Variants in SLC5A11 observed in about 807,000 individuals in gnomAD.
SLC5A11 encodes the protein solute carrier family 5 member 11.
Under a neutral mutation model 69.8 loss-of-function variants are expected in SLC5A11, and 48 were observed. That is an observed-to-expected ratio of 0.69 (90% CI 0.55 to 0.87). The LOEUF is 0.87. Among genes scored for constraint, SLC5A11 ranks in the 40% least tolerant of loss-of-function variants. The pLI is 0.00. For synonymous variants in SLC5A11, 319 were observed against 342.4 expected, an observed-to-expected ratio of 0.93 and a Z score of 0.75; for missense variants, 784 against 866.1, an observed-to-expected ratio of 0.91 and a Z score of 1.19.
chr16:24,909,496 A>G lies in SLC5A11; in HGVS notation c.1650+400A>G, dbSNP rs1015679273. 1.3e-4 allele frequency among the ~76,000 whole-genome samples: 20 copies of G among 151,846 alleles called. 1 individual carries two copies. Among genetic ancestry groups the G allele is most frequent in the African/African-American group, 4.8e-4 (20 of 41,398 alleles). On this transcript the variant is annotated intron_variant, in intron 14 of 15. Coordinates refer to ENST00000347898, the Ensembl canonical transcript of SLC5A11. Reference sequence around the variant, plus strand: ...CTCTTAAAAAAATGAAAAAATTAGCAGGGCGTGATGGCTCATGCCTGTAAT... The same window carrying G: ...CTCTTAAAAAAATGAAAAAATTAGCGGGGCGTGATGGCTCATGCCTGTAAT...
chr16:24,889,544 T>A (rs1306377726), intron 8 of SLC5A11, among the ~76,000 whole-genome samples: 5 of 14,990 alleles, frequency 3.3e-4, no homozygotes, highest in East Asian at 2.1e-3. Context: ...GGTCTTACAA[T>A]TTTTTTTTTT....
intron 1 of SLC5A11, among the ~76,000 whole-genome samples, chr16:24,854,532 C>T (rs931408093): frequency 1.3e-5 from 2 of 151,946 alleles, no homozygotes; most frequent in East Asian, 1.9e-4. Flanking sequence ...CGGGTTCAAG[C>T]GATCTTTCTG....
intron 8 of SLC5A11, among the ~76,000 whole-genome samples, chr16:24,885,289 G>GT (rs2048323215): frequency 3.3e-5 from 2 of 60,216 alleles, no homozygotes; most frequent in South Asian, 4.5e-4. Context: ...TTATTGTTAA[G>GT]CGGGGGACAC....
chr16:24,879,855 C>T (rs1054027806), intron 7 of SLC5A11, among the ~76,000 whole-genome samples: 3 of 152,144 alleles, frequency 2.0e-5, no homozygotes, highest in African/African-American at 7.2e-5. Flanking sequence ...ATGATTTTGT[C>T]CTTTTTAATG....
intron 4 of SLC5A11, among the ~76,000 whole-genome samples, chr16:24,870,781 C>CAAAAAAAAAAAAAAAAAAAAAAAAAAAA: frequency 1.5e-5 from 1 of 66,546 alleles, no homozygotes; most frequent in Non-Finnish European, 2.7e-5. Flanking sequence ...CTCTGTCTCA[C>CAAAAAAAAAAAAAAAAAAAAAAAAAAAA]AAAAAAAAAA....
At chr16:24,877,970 C>A (rs778209164) in intron 7 of SLC5A11, among the ~76,000 whole-genome samples, 1 of 151,908 alleles carries the variant, frequency 6.6e-6, no homozygotes, top group African/African-American at 2.4e-5. Context: ...GGTGACAGAG[C>A]GAGACACCAG....
At chr16:24,910,375 C>G (rs1236638875) in exon 15 of SLC5A11, 2 of 1,613,992 alleles carry the variant, frequency 1.2e-6, no homozygotes, top group African/African-American at 1.3e-5. Flanking sequence ...ACCAGCAGCT[C>G]CCTTGTCTCT....
At chr16:24,851,838 G>A (rs568755847) in intron 1 of SLC5A11, among the ~76,000 whole-genome samples, 18 of 152,196 alleles carry the variant, frequency 1.2e-4, no homozygotes, top group African/African-American at 3.9e-4. Flanking sequence ...GAGTCAGGGC[G>A]GTGCAGTTCT....
At chr16:24,908,991 G>C (rs2050292685) in exon 14 of SLC5A11, 1 of 1,613,946 alleles carries the variant, frequency 6.2e-7, no homozygotes, top group Non-Finnish European at 8.5e-7. Context: ...GCCCGGTCCT[G>C]GTGAAGAGCA....
chr16:24,895,499 GGAAAA>G (rs942149548), intron 9 of SLC5A11, among the ~76,000 whole-genome samples: 2 of 149,030 alleles, frequency 1.3e-5, no homozygotes, highest in African/African-American at 5.0e-5. Flanking sequence ...AAAAAAGAAA[GGAAAA>G]GAAAAGAAAA....
intron 1 of SLC5A11, among the ~76,000 whole-genome samples, chr16:24,849,722 C>T (rs1015838914): frequency 6.7e-6 from 1 of 148,904 alleles, no homozygotes; most frequent in Non-Finnish European, 1.5e-5. Flanking sequence ...CAAGATCATC[C>T]CTGAAAGGCA....
chr16:24,860,744 C>T (rs867899075), intron 2 of SLC5A11, among the ~76,000 whole-genome samples: 11 of 151,668 alleles, frequency 7.3e-5, no homozygotes, highest in African/African-American at 2.7e-4. Flanking sequence ...GTCTTGCTGT[C>T]GCTCAGCCTG....
At chr16:24,848,532 G>A (rs2059128367) in intron 1 of SLC5A11, among the ~76,000 whole-genome samples, 1 of 152,174 alleles carries the variant, frequency 6.6e-6, no homozygotes, top group South Asian at 2.1e-4. Flanking sequence ...GATCATTTGA[G>A]CCCATGGGGT....
At chr16:24,883,703 G>A (rs1178008600) in intron 7 of SLC5A11, among the ~76,000 whole-genome samples, 2 of 152,184 alleles carry the variant, frequency 1.3e-5, no homozygotes, top group African/African-American at 4.8e-5. Context: ...GGTTAGACCT[G>A]GCTTCTTAAA....
rs552396984 is a variant in SLC5A11 at position 24,875,730 on chromosome 16, C to T, written c.476C>T (p.Ser159Leu). The change falls in exon 6 of 16, where the codon TCG becomes TTG. Residue 159 changes from serine (S) to leucine (L), a missense_variant and splice_region_variant. Coordinates refer to ENST00000347898, the Ensembl canonical transcript of SLC5A11. ...TTTATCTACATCTTCACCAAGATCT[C>T]GGTAAGGCAGGGACACAGCCTGGCC... is the stretch of plus-strand genomic sequence containing the variant. 6 of 1,612,768 alleles carry T rather than the reference C, an allele frequency of 3.7e-6. No individual in the cohort carries two copies. In the African/African-American group the frequency reaches 4.0e-5, roughly 11 times the overall value.
At position 24,884,044 on chromosome 16, in the gene SLC5A11, C is replaced by G. The variant is rs2048226045; in HGVS notation, c.584-7C>G. ...CCTGACCCTCACCTCCGTGCTCATC[C>G]CACCAGGTGGCCTGGCTGCTGTGAT... On this transcript the variant is annotated splice_region_variant and splice_polypyrimidine_tract_variant and intron_variant, in intron 7 of 15. Coordinates refer to ENST00000347898, the Ensembl canonical transcript of SLC5A11. 1.3e-6 allele frequency: 2 copies of G among 1,598,164 alleles called. No individual in the cohort carries two copies. The highest frequency in any genetic ancestry group is 1.7e-6 in the Non-Finnish European group (2 of 1,172,636).
intron 2 of SLC5A11, among the ~76,000 whole-genome samples, chr16:24,861,479 CAAAA>C (rs1209114251): frequency 7.3e-6 from 1 of 136,136 alleles, no homozygotes; most frequent in Admixed American, 8.0e-5. Context: ...GAACCAGTCT[CAAAA>C]AAGAAAGAAA....
At position 24,907,951 on chromosome 16, in the gene SLC5A11, C is replaced by T. The variant is rs563950935; in HGVS notation, c.1266-12C>T. The T allele has an allele frequency of 8.5e-5, 137 of 1,613,584 alleles. 1 individual carries two copies. In the South Asian group the frequency reaches 1.0e-3, roughly 12 times the overall value. ...GATGATGCTAATTTGTGCCTCTCGC[C>T]GCCGGCACCAGGGTGTTTGTGCTGC... On this transcript the variant is annotated splice_polypyrimidine_tract_variant and intron_variant, in intron 12 of 15. Transcript: ENST00000347898.
chr16:24,852,146 C>CAAGGA, intron 1 of SLC5A11, among the ~76,000 whole-genome samples: 1 of 151,978 alleles, frequency 6.6e-6, no homozygotes, highest in African/African-American at 2.4e-5. Context: ...TGTTTATTTC[C>CAAGGA]CTCCTTTTTC....
Sources: gnomAD v4.1 joint callset for allele counts (sites outside exome capture counted in the v4.1 genomes callset) on GRCh38, gnomAD v4.1.1 for gene constraint, MANE v1.5 for transcripts, NCBI Gene and HGNC (gene_info 2026-07-23, HGNC 2026-07-21) for gene names.